CAMTA2: variants seen among roughly 807,000 people sequenced by gnomAD.
The protein encoded by CAMTA2 is calmodulin binding transcription activator 2.
CAMTA2 carries 56 observed loss-of-function variants against 135.7 expected under a neutral mutation model. The ratio of observed to expected loss-of-function variants is 0.41; its 90% confidence interval spans 0.33 to 0.52. CAMTA2 has a LOEUF of 0.52. CAMTA2 is among the 20% of genes least tolerant of loss of function. The pLI, the probability that CAMTA2 is intolerant of heterozygous loss-of-function variation, is 0.16. For synonymous variants in CAMTA2, 591 were observed against 604.6 expected, an observed-to-expected ratio of 0.98 and a Z score of 0.33; for missense variants, 1,358 against 1,553.4, an observed-to-expected ratio of 0.87 and a Z score of 2.11.
intron 3 of CAMTA2, chr17:4,983,257 A>T: frequency 7.9e-6 from 4 of 506,000 alleles, no homozygotes; most frequent in South Asian, 2.6e-5. Flanking sequence ...GAATTATTTT[A>T]CTCTCCAAAA....
At chr17:4,985,811 AC>A in intron 3 of CAMTA2, 68 bp downstream of exon 3, 1 of 926,184 alleles carries the variant, frequency 1.1e-6, no homozygotes, top group East Asian at 2.4e-5. Context: ...ACACGGAAAG[AC>A]CCCCCACTCA....
rs1197525030 is a variant in CAMTA2 at position 4,972,334 on chromosome 17, G to A, written c.2706C>T (p.Asn902=). ...GAAGGGAGGAGAGGGGCCCCTTGGAGTTGGTAGCCTCATAGTCCATGAGGA... is the reference window on the plus strand; with the variant it reads ...GAAGGGAGGAGAGGGGCCCCTTGGAATTGGTAGCCTCATAGTCCATGAGGA... ...PLLLMDYEAT[N]SKGPLSSLPA... is the part of the protein sequence containing the mutation. Residue 902 remains asparagine (N), a synonymous_variant, in exon 16 of 23, where the codon AAC becomes AAT. Coordinates refer to ENST00000348066, the MANE Select transcript of CAMTA2 (RefSeq NM_015099.4). 2.5e-6 allele frequency: 4 copies of A among 1,613,776 alleles called. No individual in the cohort carries two copies.
Position 4,980,535 on chromosome 17 carries a change from A to C in CAMTA2, c.787T>G (p.Ser263Ala), listed in dbSNP as rs1213239606. ...KVEPRALTLTSIPHAHPPEPP... is the reference protein window; with the variant it reads ...KVEPRALTLTAIPHAHPPEPP... The stretch of plus-strand genomic sequence containing the variant: ...TCTGGGGGGTGAGCGTGGGGGATAG[A>C]GGTCAGGGTTAAAGCTCGGGGCTCC... The change falls in exon 9 of 23, where the codon TCT becomes GCT. Residue 263 changes from serine to alanine, a missense_variant. By Grantham distance (99) the Ser-to-Ala change is moderately conservative. Transcript: ENST00000348066. This position sits in a 1 kb window ranked among gnomAD's most constrained non-coding sequence, Gnocchi z 5.3. 6.2e-7 allele frequency: 1 copy of C among 1,612,826 alleles called. No individual in the cohort carries two copies. Among genetic ancestry groups the C allele is most frequent in the Non-Finnish European group, 8.5e-7 (1 of 1,179,482 alleles).
intron 1 of CAMTA2, chr17:4,986,948 G>T: frequency 6.6e-7 from 1 of 1,518,770 alleles, no homozygotes; most frequent in Non-Finnish European, 8.8e-7. Context: ...TCCAGGCCTA[G>T]CCTACCCCAT....
chr17:4,986,143 G>A (rs540559565), intron 2 of CAMTA2, 49 bp downstream of exon 2: 1 of 1,202,418 alleles, frequency 8.3e-7, no homozygotes. Context: ...TAAAGCGTGG[G>A]GAGAACGAAA....
At chr17:4,985,633 AG>A (rs1226649304) in intron 3 of CAMTA2, among the ~76,000 whole-genome samples, 1 of 152,118 alleles carries the variant, frequency 6.6e-6, no homozygotes, top group African/African-American at 2.4e-5. Flanking sequence ...CATGTTTGCC[AG>A]GCTGGTCTTG....
rs1236153142 is a variant in CAMTA2 at position 4,980,816 on chromosome 17, C to T, written c.701-195G>A. Among the ~76,000 whole-genome samples, 1 of 152,108 alleles carries T rather than the reference C, an allele frequency of 6.6e-6. No individual in the cohort carries two copies. The highest frequency in any genetic ancestry group is 1.5e-5 in the Non-Finnish European group (1 of 68,022). On this transcript the variant is annotated intron_variant, in intron 8 of 22. Coordinates refer to ENST00000348066, the MANE Select transcript of CAMTA2 (RefSeq NM_015099.4). This position sits in a 1 kb window ranked among gnomAD's most constrained non-coding sequence, Gnocchi z 5.3. ...TTATTCCCCCTCCCCCTCTCCATTTCCCCTCAAAACAAGCAGGACCAGAGG... is the reference window on the plus strand; with the variant it reads ...TTATTCCCCCTCCCCCTCTCCATTTTCCCTCAAAACAAGCAGGACCAGAGG...
At chr17:4,971,602 C>G (rs1476604015) in intron 16 of CAMTA2, among the ~76,000 whole-genome samples, 1 of 152,098 alleles carries the variant, frequency 6.6e-6, no homozygotes, top group East Asian at 1.9e-4. Flanking sequence ...ACCTCGTTCT[C>G]TGAAAGTGAT....
At chr17:4,981,439 G>A in intron 7 of CAMTA2, 80 bp from the exon 8 acceptor site, 1 of 1,561,538 alleles carries the variant, frequency 6.4e-7, no homozygotes, top group Non-Finnish European at 8.7e-7. Flanking sequence ...CCAAGCACCT[G>A]ACATGCTTCA....
Position 4,969,746 on chromosome 17 carries a change from AT to A in CAMTA2, c.3190-46del. On this transcript the variant is annotated intron_variant, in intron 18 of 22. Transcript: ENST00000348066. This position sits in a 1 kb window ranked among gnomAD's most constrained non-coding sequence, Gnocchi z 5.6. ...ACCACCTCATGACCCACATAATGGC[AT>A]ATCTGACTTGTCCCTTCAACTTTCC... is the stretch of plus-strand genomic sequence containing the variant. The A allele has an allele frequency of 6.2e-7, 1 of 1,610,434 alleles. No homozygotes were observed. Among genetic ancestry groups the A allele is most frequent in the Non-Finnish European group, 8.5e-7 (1 of 1,177,084 alleles).
intron 10 of CAMTA2, among the ~76,000 whole-genome samples, chr17:4,977,524 G>A (rs1182510185): frequency 1.3e-5 from 2 of 152,254 alleles, no homozygotes; most frequent in Non-Finnish European, 2.9e-5. Context: ...CCGGATCAGA[G>A]TCTGGAAGTT....
intron 6 of CAMTA2, 125 bp downstream of exon 6, chr17:4,981,964 C>T (rs1972986688): frequency 7.9e-7 from 1 of 1,268,188 alleles, no homozygotes; most frequent in East Asian, 2.3e-5. Flanking sequence ...CCCCAAGCCC[C>T]TTTCTCTTCT....
rs568477528 is a variant in CAMTA2, at chr17:4,987,217, G to C, written c.-65+376C>G. Reference sequence around the variant, plus strand: ...GGCTGCACTTGGGCGGCGCCGGATCGGACGCTTGGCACTCTGGGCGGCCCC... The same window carrying C: ...GGCTGCACTTGGGCGGCGCCGGATCCGACGCTTGGCACTCTGGGCGGCCCC... On this transcript the variant is annotated intron_variant, in intron 1 of 22. Coordinates refer to ENST00000348066, the MANE Select transcript of CAMTA2 (RefSeq NM_015099.4). 5,793 of 1,341,248 alleles carry C rather than the reference G, an allele frequency of 4.3e-3. 14 individuals carry two copies. The highest frequency in any genetic ancestry group is 4.9e-3 in the Non-Finnish European group (5,164 of 1,052,788). The allele number at this position is 1,341,248 out of a possible 1,614,324, so 83.1% of individuals were successfully genotyped here.
intron 10 of CAMTA2, 83 bp from the exon 11 acceptor site, chr17:4,977,275 C>A: frequency 6.5e-7 from 1 of 1,535,384 alleles, no homozygotes; most frequent in South Asian, 1.2e-5. Context: ...GACAATTATT[C>A]CATAGTTATT....
At position 4,969,521 on chromosome 17, in the gene CAMTA2, C is replaced by A; in HGVS notation, c.3262-1G>T. 1 of 1,614,136 alleles carries A rather than the reference C, an allele frequency of 6.2e-7. No individual in the cohort carries two copies. Among genetic ancestry groups the A allele is most frequent in the Non-Finnish European group, 8.5e-7 (1 of 1,180,008 alleles). ...ATACCTTAAGTGCAATCCAGGTCAGCTTGTGGAGAGAGAAGGGGAGTTAGG... is the reference window on the plus strand; with the variant it reads ...ATACCTTAAGTGCAATCCAGGTCAGATTGTGGAGAGAGAAGGGGAGTTAGG... On this transcript the variant is annotated splice_acceptor_variant, in intron 19 of 22. Transcript: ENST00000348066. LOFTEE classifies it high-confidence loss of function. This position sits in a 1 kb window ranked among gnomAD's most constrained non-coding sequence, Gnocchi z 5.6.
chr17:4,980,029 CTG>C lies in CAMTA2; in HGVS notation c.1291_1292del (p.Gln431ValfsTer16). ...PQAAARGPPP[Q>X]SVAGGRRGNC... ...TTCCTCTTCTCCCACCTGCTACTGA[CTG>C]TGGTGGGGGACCCCGAGCAGCTGCC... On this transcript the variant is annotated frameshift_variant, in exon 9 of 23. Transcript: ENST00000348066. LOFTEE classifies it high-confidence loss of function. This position sits in a 1 kb window ranked among gnomAD's most constrained non-coding sequence, Gnocchi z 5.3. The C allele has an allele frequency of 6.2e-7, 1 of 1,613,758 alleles. No individual in the cohort carries two copies. The highest frequency in any genetic ancestry group is 8.5e-7 in the Non-Finnish European group (1 of 1,179,956).
rs1973273731 is a variant in CAMTA2, at chr17:4,986,201, CGGT to C, written c.19_21del (p.Thr7del). 6.2e-7 allele frequency: 1 copy of C among 1,601,004 alleles called. No homozygotes were observed. On this transcript the variant is annotated inframe_deletion, in exon 2 of 23. Transcript: ENST00000348066. ...TGGTTTGTGAACTTACCAGCAACCT[CGGT>C]GGTGTCCTTGGTATTCATGGTGAGG...
At chr17:4,984,269 C>G (rs537059724) in intron 3 of CAMTA2, among the ~76,000 whole-genome samples, 1 of 152,288 alleles carries the variant, frequency 6.6e-6, no homozygotes, top group East Asian at 1.9e-4. Flanking sequence ...GATTCTTTAG[C>G]CTGACTCCAA....
chr17:4,978,702 C>G, intron 9 of CAMTA2, 72 bp from the exon 10 acceptor site: 2 of 1,546,456 alleles, frequency 1.3e-6, no homozygotes, highest in Admixed American at 1.7e-5. Flanking sequence ...TTTATTCAGA[C>G]CCTTACAGGG....
Sources: allele counts gnomAD v4.1 joint callset (sites outside exome capture counted in the v4.1 genomes callset), GRCh38; gene constraint gnomAD v4.1.1; non-coding constraint Gnocchi (gnomAD v3.1); transcripts MANE v1.5; gene names NCBI Gene and HGNC (gene_info 2026-07-23, HGNC 2026-07-21).